TRPM8: variants seen among roughly 807,000 people sequenced by gnomAD.
TRPM8 encodes the protein TRPM8 cationic channel.
TRPM8 carries 110 observed loss-of-function variants against 133.7 expected under a neutral mutation model. The observed-to-expected ratio is 0.82, with a 90% confidence interval of 0.70 to 0.96. The LOEUF (loss-of-function observed/expected upper bound fraction) is 0.96, where lower values mean the gene tolerates loss of function less well. Ranked by LOEUF, TRPM8 falls within the 40% of genes least tolerant of loss-of-function variation. The pLI is 0.00. For missense variants in TRPM8, 1,291 were observed against 1,379.5 expected, an observed-to-expected ratio of 0.94 and a Z score of 1.02; for synonymous variants, 535 against 532.3, an observed-to-expected ratio of 1.01 and a Z score of -0.07.
chr2:233,954,316 C>T (rs1691240361), intron 10 of TRPM8, among the ~76,000 whole-genome samples: 1 of 152,174 alleles, frequency 6.6e-6, no homozygotes, highest in Non-Finnish European at 1.5e-5. Context: ...TTTATTGGGC[C>T]TCAGATTCCT....
chr2:233,925,739 G>A (rs1691501261), intron 1 of TRPM8, among the ~76,000 whole-genome samples: 1 of 152,096 alleles, frequency 6.6e-6, no homozygotes, highest in Admixed American at 6.5e-5. Context: ...GAAGGACAGT[G>A]CTTTCATTTA....
chr2:234,006,777 G>A (rs1692703976), intron 22 of TRPM8, 76 bp from the exon 23 acceptor site: 9 of 1,096,232 alleles, frequency 8.2e-6, no homozygotes, highest in Admixed American at 2.0e-5. Flanking sequence ...CTCACAAAAT[G>A]CCTTAGAAGA....
chr2:233,930,511 G>A (rs536127961), intron 2 of TRPM8, among the ~76,000 whole-genome samples, 157 bp from the exon 3 acceptor site: 1 of 152,068 alleles, frequency 6.6e-6, no homozygotes, highest in Non-Finnish European at 1.5e-5. Flanking sequence ...AAAAAATTTT[G>A]TATACTCTAA....
At chr2:233,982,260 C>T (rs1046696135) in intron 19 of TRPM8, among the ~76,000 whole-genome samples, 17 of 152,058 alleles carry the variant, frequency 1.1e-4, no homozygotes, top group African/African-American at 4.1e-4. Flanking sequence ...CAGTTGAGTC[C>T]AAGGAGGAGT....
In TRPM8 at chr2:234,012,608, T is replaced by G. The variant is rs1692870280; in HGVS notation, c.3265-1954T>G. Among the ~76,000 whole-genome samples, 3 of 152,276 alleles carry G rather than the reference T, an allele frequency of 2.0e-5. No individual in the cohort carries two copies. In the South Asian group the frequency reaches 6.2e-4, roughly 32 times the overall value. ...GATGCCTTTTCTTTTCTTTTTTTCT[T>G]GTCTGATTTCTCTGGCTAGAACTTG... On this transcript the variant is annotated intron_variant, in intron 24 of 25. Transcript: ENST00000324695.
At chr2:233,981,276 T>C (rs1692001153) in intron 18 of TRPM8, among the ~76,000 whole-genome samples, 1 of 152,206 alleles carries the variant, frequency 6.6e-6, no homozygotes, top group Admixed American at 6.5e-5. Context: ...TGGTTGGATA[T>C]GATTCTAGAT....
chr2:233,945,896 G>A lies in TRPM8; in HGVS notation c.740G>A (p.Arg247Lys). The A allele has an allele frequency of 1.9e-6, 3 of 1,614,012 alleles. No homozygotes were observed. The highest frequency in any genetic ancestry group is 2.5e-6 in the Non-Finnish European group (3 of 1,179,944). ...LAQYLMDDFT[R>K]DPLYILDNNH... ...CAGTACCTTATGGATGACTTCACAA[G>A]AGATCCACTGTATATCCTGGACAAC... The change falls in exon 7 of 26, where the codon AGA becomes AAA. Residue 247 changes from arginine (R) to lysine (K), a missense_variant. Transcript: ENST00000324695.
Position 233,966,617 on chromosome 2 carries a change from C to T in TRPM8, c.1887C>T (p.Phe629=), listed in dbSNP as rs767263955. Residue 629 remains phenylalanine, a synonymous_variant, in exon 15 of 26, where the codon TTC becomes TTT. Coordinates refer to ENST00000324695, the MANE Select transcript of TRPM8 (RefSeq NM_024080.5). ...NEYETRAVEL[F]TECYSSDEDL... The stretch of plus-strand genomic sequence containing the variant: ...GTGCTGATGTCGCTGTAGAGCTGTT[C>T]ACTGAGTGTTACAGCAGCGATGAAG... 32 of 1,613,964 alleles carry T rather than the reference C, an allele frequency of 2.0e-5. 2 individuals are homozygous for T. In the South Asian group the frequency reaches 3.5e-4, roughly 18 times the overall value.
At chr2:234,010,956 T>C (rs970607751) in intron 24 of TRPM8, among the ~76,000 whole-genome samples, 16 of 152,228 alleles carry the variant, frequency 1.1e-4, no homozygotes, top group African/African-American at 3.9e-4. Context: ...CTTCCTTTGT[T>C]GTGAAGAAGG....
At chr2:233,927,788 TTC>T (rs1691567884) in intron 2 of TRPM8, among the ~76,000 whole-genome samples, 1 of 40,524 alleles carries the variant, frequency 2.5e-5, no homozygotes, top group Non-Finnish European at 3.7e-5. Flanking sequence ...CTTTCTTTCT[TTC>T]TTTTCTTTCC....
chr2:233,923,146 G>A (rs1310603395), intron 1 of TRPM8, among the ~76,000 whole-genome samples: 1 of 152,138 alleles, frequency 6.6e-6, no homozygotes, highest in Non-Finnish European at 1.5e-5. Flanking sequence ...TGAGATTACA[G>A]GTGTGAGCCA....
At chr2:233,999,354 G>T (rs1186405228) in intron 22 of TRPM8, among the ~76,000 whole-genome samples, 1 of 152,240 alleles carries the variant, frequency 6.6e-6, no homozygotes, top group East Asian at 1.9e-4. Flanking sequence ...GTACTGCAAG[G>T]CCCCTGAGGC....
Position 233,985,879 on chromosome 2 carries a change from C to A in TRPM8, c.2939+14C>A. ...CGCCATGTTTGGGTATGTGTTCAGTCACATGTTCACTGATGTCCACCCTGG... is the reference window on the plus strand; with the variant it reads ...CGCCATGTTTGGGTATGTGTTCAGTAACATGTTCACTGATGTCCACCCTGG... On this transcript the variant is annotated intron_variant, in intron 21 of 25. Coordinates refer to ENST00000324695, the MANE Select transcript of TRPM8 (RefSeq NM_024080.5). 1 of 1,602,346 alleles carries A rather than the reference C, an allele frequency of 6.2e-7. No individual in the cohort carries two copies. Among genetic ancestry groups the A allele is most frequent in the South Asian group, 1.1e-5 (1 of 89,532 alleles).
chr2:233,983,223 T>C lies in TRPM8; in HGVS notation c.2760T>C (p.Asp920=). 1 of 1,614,112 alleles carries C rather than the reference T, an allele frequency of 6.2e-7. No individual in the cohort carries two copies. The highest frequency in any genetic ancestry group is 8.5e-7 in the Non-Finnish European group (1 of 1,179,996). ...TCGGCCAGGTGCCCAGTGACGTGGATGGTAAGCCTGACTTGGCTCAGATGG... is the reference window on the plus strand; with the variant it reads ...TCGGCCAGGTGCCCAGTGACGTGGACGGTAAGCCTGACTTGGCTCAGATGG... ...AMFGQVPSDV[D]GTTYDFAHCT... The change falls in exon 20 of 26, where the codon GAT becomes GAC. Residue 920 remains aspartate (D), a splice_region_variant and synonymous_variant. Coordinates refer to ENST00000324695, the MANE Select transcript of TRPM8 (RefSeq NM_024080.5).
At chr2:233,926,472 T>A in intron 1 of TRPM8, 61 bp from the exon 2 acceptor site, 1 of 1,296,478 alleles carries the variant, frequency 7.7e-7, no homozygotes, top group South Asian at 1.2e-5. Flanking sequence ...GGGGTGAAGC[T>A]TTGAAGGAAG....
rs201836188 is a variant in TRPM8 at position 234,006,934 on chromosome 2, C to G, written c.3212C>G (p.Ala1071Gly). The change falls in exon 23 of 26, where the codon GCC becomes GGC. Residue 1071 changes from alanine (A) to glycine (G), a missense_variant. Transcript: ENST00000324695. ...ENYLVKINTK[A>G]NDTSEEMRHR... is the part of the protein sequence containing the mutation. ...TACCTTGTCAAGATCAACACAAAAG[C>G]CAACGACACCTCAGAGGAGTATGTC... The G allele has an allele frequency of 6.2e-7, 1 of 1,613,540 alleles. No individual in the cohort carries two copies. Among genetic ancestry groups the G allele is most frequent in the Non-Finnish European group, 8.5e-7 (1 of 1,179,540 alleles).
chr2:233,981,080 G>GA (rs1412699140), intron 18 of TRPM8, among the ~76,000 whole-genome samples: 1 of 152,174 alleles, frequency 6.6e-6, no homozygotes, highest in East Asian at 1.9e-4. Flanking sequence ...AATTATATAT[G>GA]AGTAGTACTT....
At chr2:233,947,667 G>A (rs1023160604) in intron 8 of TRPM8, 2 of 1,192,112 alleles carry the variant, frequency 1.7e-6, no homozygotes, top group African/African-American at 1.6e-5. Context: ...GCAACACTGA[G>A]CAACTGAGCA....
intron 21 of TRPM8, among the ~76,000 whole-genome samples, chr2:233,987,604 T>C (rs1292843466): frequency 2.6e-5 from 4 of 152,196 alleles, no homozygotes; most frequent in Admixed American, 2.6e-4. Context: ...AGAGATGTCC[T>C]TCTCCAGTCC....
Sources: gnomAD v4.1 joint callset for allele counts (sites outside exome capture counted in the v4.1 genomes callset) on GRCh38, gnomAD v4.1.1 for gene constraint, MANE v1.5 for transcripts, NCBI Gene and HGNC (gene_info 2026-07-23, HGNC 2026-07-21) for gene names.